FBXO7: variants seen among roughly 807,000 people sequenced by gnomAD.
FBXO7 encodes F-box only protein 7.
Under a neutral mutation model 50.2 loss-of-function variants are expected in FBXO7, and 31 were observed. That is an observed-to-expected ratio of 0.62 (90% confidence interval 0.46 to 0.83). The LOEUF is 0.83. Among genes scored for constraint, FBXO7 ranks in the 40% least tolerant of loss-of-function variants. The probability of loss-of-function intolerance (pLI) is 0.00; values close to 1 mark genes in which losing one functional copy is unlikely to be tolerated. For synonymous variants in FBXO7, 256 were observed against 253.1 expected (o/e 1.01, Z -0.11); for missense variants, 667 against 646.6 (o/e 1.03, Z -0.34).
rs1242360485 is a variant in FBXO7, at chr22:32,498,705, G to A, written c.*175G>A. On this transcript the variant is annotated 3_prime_UTR_variant, in exon 9 of 9. Transcript: ENST00000266087. ...GCCCTAGGGGTGGTATGACCCAAAG[G>A]TTCCTCTGTGACAAGGTTGGCCTTG... is the stretch of plus-strand genomic sequence containing the variant. 5.5e-6 allele frequency: 4 copies of A among 725,006 alleles called. No individual in the cohort carries two copies. The highest frequency in any genetic ancestry group is 6.8e-6 in the Non-Finnish European group (3 of 442,258). The allele number at this position is 725,006 out of a possible 1,614,324, so 44.9% of individuals were successfully genotyped here.
At chr22:32,479,354 C>G in intron 2 of FBXO7, 79 bp downstream of exon 2, 1 of 1,318,298 alleles carries the variant, frequency 7.6e-7, no homozygotes, top group Non-Finnish European at 1.1e-6. Flanking sequence ...CTGTTCCAGT[C>G]AGGATAATTA....
rs762209257 is a variant in FBXO7, at chr22:32,483,895, A to G, written c.418-2A>G. 3.1e-6 allele frequency: 5 copies of G among 1,613,458 alleles called. No individual in the cohort carries two copies. The highest frequency in any genetic ancestry group is 3.4e-6 in the Non-Finnish European group (4 of 1,179,398). Reference sequence around the variant, plus strand: ...ATTCATTGTTTTGTTTTCCTTTTTCAGTTAGGGCCTAGTCAAAATTTTGAA... The same window carrying G: ...ATTCATTGTTTTGTTTTCCTTTTTCGGTTAGGGCCTAGTCAAAATTTTGAA... On this transcript the variant is annotated splice_acceptor_variant, in intron 2 of 8. Coordinates refer to ENST00000266087, the MANE Select transcript of FBXO7 (RefSeq NM_012179.4). LOFTEE classifies it high-confidence loss of function.
chr22:32,490,799 G>A (rs1447480546), intron 5 of FBXO7: 2 of 387,458 alleles, frequency 5.2e-6, no homozygotes, highest in Admixed American at 4.1e-5. Flanking sequence ...GGAAATCTTC[G>A]TATGTATGAA....
intron 2 of FBXO7, 98 bp from the exon 3 acceptor site, chr22:32,483,799 T>C (rs2057479917): frequency 1.9e-6 from 2 of 1,039,280 alleles, no homozygotes; most frequent in South Asian, 2.7e-5. Flanking sequence ...CCCAATGATG[T>C]ACTTTGACTT....
chr22:32,492,769 A>G, intron 6 of FBXO7: 2 of 284,800 alleles, frequency 7.0e-6, no homozygotes, highest in South Asian at 8.7e-5. Context: ...AGTTGAATGA[A>G]GAAATTTTGT....
chr22:32,486,302 G>A (rs996497717), intron 4 of FBXO7, among the ~76,000 whole-genome samples: 1 of 151,584 alleles, frequency 6.6e-6, no homozygotes, highest in Non-Finnish European at 1.5e-5. Flanking sequence ...TCTTTGACAT[G>A]TTGGATAGTT....
In FBXO7 at chr22:32,493,136, C is replaced by T. The variant is rs1191841298; in HGVS notation, c.999C>T (p.Val333=). 5.6e-6 allele frequency: 9 copies of T among 1,614,000 alleles called. No individual in the cohort carries two copies. Among genetic ancestry groups the T allele is most frequent in the Middle Eastern group, 1.6e-4 (1 of 6,082 alleles). ...ALNLPDVFGL[V]VLPLELKLRI... ...ACCTACCAGATGTATTTGGGTTGGT[C>T]GTCCTCCCATTGGAACTGAAACTAC... Residue 333 remains valine (V), a synonymous_variant, in exon 7 of 9, where the codon GTC becomes GTT. Transcript: ENST00000266087.
intron 2 of FBXO7, among the ~76,000 whole-genome samples, chr22:32,480,067 A>T (rs2057454810): frequency 1.3e-5 from 2 of 152,194 alleles, no homozygotes; most frequent in Non-Finnish European, 2.9e-5. Flanking sequence ...CCTTAAATCT[A>T]GCCCATTAAT....
rs1305664313 is a variant in FBXO7, at chr22:32,475,134, G to T, written c.122+10G>T. ...GCACCTGGGGGTACAGGTACGCTGGGGCCGGGGCTGGGCGGCCCGCGGGGA... is the reference window on the plus strand; with the variant it reads ...GCACCTGGGGGTACAGGTACGCTGGTGCCGGGGCTGGGCGGCCCGCGGGGA... On this transcript the variant is annotated intron_variant, in intron 1 of 8. Transcript: ENST00000266087. 16 of 1,540,358 alleles carry T rather than the reference G, an allele frequency of 1.0e-5. No individual in the cohort carries two copies. The highest frequency in any genetic ancestry group is 3.9e-5 in the Admixed American group (2 of 50,656).
At chr22:32,495,123 T>C (rs762889573) in intron 7 of FBXO7, among the ~76,000 whole-genome samples, 2 of 152,164 alleles carry the variant, frequency 1.3e-5, no homozygotes, top group African/African-American at 2.4e-5. Context: ...CAGTTTGGTG[T>C]AACGTGAGAT....
intron 7 of FBXO7, among the ~76,000 whole-genome samples, chr22:32,494,371 G>T (rs1187798686): frequency 2.0e-5 from 3 of 151,924 alleles, no homozygotes; most frequent in Non-Finnish European, 2.9e-5. Flanking sequence ...TTGAGACAGG[G>T]TCTAGTTGTG....
At chr22:32,494,355 G>A (rs1390267543) in intron 7 of FBXO7, among the ~76,000 whole-genome samples, 1 of 152,048 alleles carries the variant, frequency 6.6e-6, no homozygotes, top group Non-Finnish European at 1.5e-5. Flanking sequence ...ATTTATTTGT[G>A]TATTTTTGAG....
At chr22:32,490,855 G>A (rs1285759268) in intron 5 of FBXO7, 1 of 487,972 alleles carries the variant, frequency 2.0e-6, no homozygotes, top group Non-Finnish European at 3.7e-6. Context: ...AGCTAGAGAG[G>A]TTGGGCACAG....
At chr22:32,491,507 A>G (rs2057535244) in intron 6 of FBXO7, 1 of 266,468 alleles carries the variant, frequency 3.8e-6, no homozygotes, top group Non-Finnish European at 7.3e-6. Flanking sequence ...GGTCAGGTAC[A>G]TAATAGATGC....
In FBXO7 at chr22:32,498,201, C is replaced by T; in HGVS notation, c.1240C>T (p.Leu414Phe). 1 of 1,614,172 alleles carries T rather than the reference C, an allele frequency of 6.2e-7. No homozygotes were observed. The highest frequency in any genetic ancestry group is 8.5e-7 in the Non-Finnish European group (1 of 1,180,014). The change falls in exon 9 of 9, where the codon CTC becomes TTC. Residue 414 changes from leucine to phenylalanine, a missense_variant. Leu to Phe is a conservative substitution (Grantham distance 22). Coordinates refer to ENST00000266087, the MANE Select transcript of FBXO7 (RefSeq NM_012179.4). ...ATCCCCGAAAGGGCGGTTTGTGATG[C>T]TCCTGCCATCGTCAACTCACACCAT... ...KESPKGRFVM[L>F]LPSSTHTIPF...
At chr22:32,488,486 T>G (rs1250238981) in intron 5 of FBXO7, 1 of 152,466 alleles carries the variant, frequency 6.6e-6, no homozygotes, top group African/African-American at 2.4e-5. Flanking sequence ...CTGACATTTT[T>G]TAAGTGCCTG....
At chr22:32,487,719 A>G (rs2057507425) in intron 4 of FBXO7, 26 bp from the exon 5 acceptor site, 2 of 1,482,138 alleles carry the variant, frequency 1.3e-6, no homozygotes, top group East Asian at 2.3e-5. Flanking sequence ...AGAATTCTTT[A>G]TCATCTTTCT....
intron 1 of FBXO7, among the ~76,000 whole-genome samples, chr22:32,477,011 C>T (rs1348614993): frequency 6.6e-6 from 1 of 152,168 alleles, no homozygotes; most frequent in Non-Finnish European, 1.5e-5. Context: ...CAACCTTTTG[C>T]TGTGACAAAT....
chr22:32,480,850 G>A (rs2057460197), intron 2 of FBXO7, among the ~76,000 whole-genome samples: 2 of 152,044 alleles, frequency 1.3e-5, no homozygotes, highest in South Asian at 4.2e-4. Context: ...ATTTTTGGTA[G>A]AGATGGGGTT....
Sources: allele counts gnomAD v4.1 joint callset (sites outside exome capture counted in the v4.1 genomes callset), GRCh38; gene constraint gnomAD v4.1.1; transcripts MANE v1.5; gene names NCBI Gene and HGNC (gene_info 2026-07-23, HGNC 2026-07-21).